COL28A1: variants seen among roughly 807,000 people sequenced by gnomAD.
The protein encoded by COL28A1 is collagen alpha-1(XXVIII) chain.
Under a neutral mutation model 150.2 loss-of-function variants are expected in COL28A1, and 161 were observed. That is an observed-to-expected ratio of 1.07 (90% CI 0.94 to 1.22). The LOEUF is 1.22. Among genes scored for constraint, COL28A1 ranks in the 50% most tolerant of loss-of-function variants. COL28A1 has a pLI of 0.00. For synonymous variants in COL28A1, 552 were observed against 469.7 expected (o/e 1.18, Z -2.26); for missense variants, 1,617 against 1,388.3 (o/e 1.16, Z -2.62).
At chr7:7,446,796 G>C (rs549306899) in intron 18 of COL28A1, among the ~76,000 whole-genome samples, 1 of 152,290 alleles carries the variant, frequency 6.6e-6, no homozygotes, top group South Asian at 2.1e-4. Context: ...GCAAGTTCAG[G>C]CATCTCTCTA....
At position 7,428,853 on chromosome 7, in the gene COL28A1, G is replaced by A. The variant is rs529351556; in HGVS notation, c.1998+3620C>T. Among the ~76,000 whole-genome samples the A allele has an allele frequency of 4.6e-4, 70 of 152,290 alleles. 3 individuals are homozygous for A. The highest frequency in any genetic ancestry group is 1.6e-3 in the African/African-American group (66 of 41,552). On this transcript the variant is annotated intron_variant, in intron 25 of 34. Coordinates refer to ENST00000399429, the MANE Select transcript of COL28A1 (RefSeq NM_001037763.3). ...TAGAAATATCTCAGAAGGTCTTGCC[G>A]AATTTGAATTAAATTCAAGGTAATT... is the stretch of plus-strand genomic sequence containing the variant.
chr7:7,343,687 T>C, the COL28A1 span, among the ~76,000 whole-genome samples: 1 of 152,104 alleles, frequency 6.6e-6, no homozygotes, highest in Non-Finnish European at 1.5e-5. Context: ...CTTTTTACTC[T>C]GAACATATTT....
chr7:7,474,652 T>C lies in COL28A1; in HGVS notation c.1251A>G (p.Glu417=), dbSNP rs1189696144. Residue 417 remains glutamate (E), a synonymous_variant, in exon 15 of 35, where the codon GAA becomes GAG. Coordinates refer to ENST00000399429, the MANE Select transcript of COL28A1 (RefSeq NM_001037763.3). ...GTAATCCCTGTGGGCCAGTTGGTCC[T>C]TCAGAACCTTTTTCACCCTGAAAGT... ...FPGPKGEKGS[E]GPTGPQGLQG... 3.5e-6 allele frequency: 5 copies of C among 1,418,538 alleles called. No individual in the cohort carries two copies. Among genetic ancestry groups the C allele is most frequent in the South Asian group, 1.1e-5 (1 of 87,108 alleles). 87.9% of individuals were successfully genotyped at this position (1,418,538 alleles called of 1,614,324 possible).
At chr7:7,502,491 G>A (rs1439487016) in intron 11 of COL28A1, among the ~76,000 whole-genome samples, 2 of 152,088 alleles carry the variant, frequency 1.3e-5, no homozygotes, top group Non-Finnish European at 2.9e-5. Context: ...AATCCCTAAA[G>A]CAACAGAAAG....
Position 7,418,983 on chromosome 7 carries a change from C to T in COL28A1, c.2067+902G>A, listed in dbSNP as rs554893437. Among the ~76,000 whole-genome samples the T allele has an allele frequency of 1.6e-3, 247 of 152,248 alleles. 3 individuals carry two copies. Among genetic ancestry groups the T allele is most frequent in the Non-Finnish European group, 6.0e-4 (41 of 68,014 alleles). ...AAATCTTTGACTCATACAGCCTTTT[C>T]CCTCTCCTCTCTGAGAATGGGCTCT... On this transcript the variant is annotated intron_variant, in intron 26 of 34. Coordinates refer to ENST00000399429, the MANE Select transcript of COL28A1 (RefSeq NM_001037763.3).
chr7:7,439,963 T>C (rs1785640021), intron 21 of COL28A1, among the ~76,000 whole-genome samples: 1 of 152,234 alleles, frequency 6.6e-6, no homozygotes, highest in Non-Finnish European at 1.5e-5. Flanking sequence ...AAATGTGCTT[T>C]TTAATCATCT....
intron 23 of COL28A1, among the ~76,000 whole-genome samples, chr7:7,432,924 A>G (rs1219842496): frequency 6.7e-6 from 1 of 148,946 alleles, no homozygotes; most frequent in Non-Finnish European, 1.5e-5. Context: ...ATGTGAGAAG[A>G]GTAGAAAAGA....
At chr7:7,386,248 T>A (rs942541001) in intron 27 of COL28A1, among the ~76,000 whole-genome samples, 1 of 152,184 alleles carries the variant, frequency 6.6e-6, no homozygotes, top group Admixed American at 6.5e-5. Context: ...CAGGAAACAA[T>A]GATTTTTCTT....
At chr7:7,349,706 G>A in the COL28A1 span, among the ~76,000 whole-genome samples, 316 of 152,142 alleles carry the variant, frequency 2.1e-3, 1 homozygote, top group Admixed American at 5.6e-3. Context: ...TGCCTCTCAG[G>A]GATCACTGCT....
At position 7,360,397 on chromosome 7, in the gene COL28A1, C is replaced by A. The variant is rs761565867; in HGVS notation, c.3198G>T (p.Gly1066=). The change falls in exon 34 of 35, where the codon GGG becomes GGT. Residue 1066 remains glycine, a synonymous_variant. Transcript: ENST00000399429. ...PRPLLSTPVD[G]AEDPRCLEAL... ...GAGTTCTGGTTTACCTACCCTCTGC[C>A]CCATCCACAGGGGTGCTGAGCAGTG... 1.9e-6 allele frequency: 3 copies of A among 1,573,874 alleles called. No homozygotes were observed. Among genetic ancestry groups the A allele is most frequent in the Non-Finnish European group, 2.6e-6 (3 of 1,166,790 alleles).
chr7:7,432,319 T>TC (rs1313085150), intron 25 of COL28A1, among the ~76,000 whole-genome samples, 154 bp downstream of exon 25: 1 of 152,114 alleles, frequency 6.6e-6, no homozygotes, highest in Non-Finnish European at 1.5e-5. Context: ...TCAGATTAGT[T>TC]CCCCAGGAAG....
intron 14 of COL28A1, 29 bp from the exon 15 acceptor site, chr7:7,474,698 C>A (rs1788725530): frequency 1.0e-6 from 1 of 954,372 alleles, no homozygotes; most frequent in South Asian, 1.3e-5. Flanking sequence ...GATATCAATG[C>A]ACCAACCAAA....
intron 30 of COL28A1, among the ~76,000 whole-genome samples, chr7:7,378,770 T>C (rs1388247682): frequency 1.3e-5 from 2 of 152,160 alleles, no homozygotes; most frequent in Admixed American, 6.5e-5. Context: ...CTCCATTTGA[T>C]GTGGAGATAC....
At chr7:7,354,169 T>C (rs1780296406), downstream of COL28A1, among the ~76,000 whole-genome samples, 1 of 152,044 alleles carries the variant, frequency 6.6e-6, no homozygotes. Flanking sequence ...ATTTTTTAAA[T>C]TTTTTGTAGA....
intron 27 of COL28A1, among the ~76,000 whole-genome samples, chr7:7,401,028 A>T (rs1203280307): frequency 1.2e-5 from 1 of 80,758 alleles, no homozygotes; most frequent in African/African-American, 4.3e-5. Context: ...GTGTGTGTAC[A>T]GCTCTTGTGA....
In COL28A1 at chr7:7,441,775, A is replaced by G. The variant is rs569076427; in HGVS notation, c.1651-914T>C. 2.5e-3 allele frequency among the ~76,000 whole-genome samples: 377 copies of G among 152,286 alleles called. 1 individual carries two copies. The highest frequency in any genetic ancestry group is 0.01 in the Middle Eastern group (3 of 294). ...GTTCAGGGACCACACTTTGAGAATC[A>G]TTAGACTATACTAAGGTCATCAGCA... On this transcript the variant is annotated intron_variant, in intron 20 of 34. Transcript: ENST00000399429.
chr7:7,525,426 C>T (rs369229517), intron 3 of COL28A1, among the ~76,000 whole-genome samples: 224 of 152,262 alleles, frequency 1.5e-3, no homozygotes, highest in African/African-American at 4.6e-3. Context: ...GGAAGACAAA[C>T]GCTGGAAAGA....
chr7:7,538,923 T>C (rs958120287), upstream of COL28A1, among the ~76,000 whole-genome samples: 4 of 152,166 alleles, frequency 2.6e-5, no homozygotes, highest in Non-Finnish European at 5.9e-5. Flanking sequence ...TGAAGAAATT[T>C]GTTCTTGAAG....
chr7:7,403,859 T>A (rs1426558292), intron 27 of COL28A1, among the ~76,000 whole-genome samples: 1 of 152,198 alleles, frequency 6.6e-6, no homozygotes, highest in Non-Finnish European at 1.5e-5. Flanking sequence ...ATCAATTTTG[T>A]CATAATAAAA....
Sources: gnomAD v4.1 joint callset for allele counts (sites outside exome capture counted in the v4.1 genomes callset) on GRCh38, gnomAD v4.1.1 for gene constraint, MANE v1.5 for transcripts, NCBI Gene and HGNC (gene_info 2026-07-23, HGNC 2026-07-21) for gene names.